Variants in ANKRD44 observed in about 807,000 individuals in gnomAD.
ANKRD44 encodes the protein ankyrin repeat domain 44.
ANKRD44 carries 35 observed loss-of-function variants against 116.0 expected under a neutral mutation model. The observed-to-expected ratio is 0.30, with a 90% CI of 0.23 to 0.40. The LOEUF (loss-of-function observed/expected upper bound fraction) is 0.40. ANKRD44 is among the 10% of genes least tolerant of loss of function. ANKRD44 has a pLI of 1.00. For synonymous variants in ANKRD44, 435 were observed against 461.8 expected (o/e 0.94, Z 0.74); for missense variants, 1,014 against 1,242.6 (o/e 0.82, Z 2.77).
Position 197,218,751 on chromosome 2 carries a change from C to CTTTTTT in ANKRD44, c.28-31651_28-31646dup, listed in dbSNP as rs138330364. Among the ~76,000 whole-genome samples, 66 of 52,342 alleles carry CTTTTTT rather than the reference C, an allele frequency of 1.3e-3. 7 individuals carry two copies. The highest frequency in any genetic ancestry group is 4.0e-3 in the African/African-American group (58 of 14,436). 34.3% of individuals were successfully genotyped at this position (52,342 alleles called of 152,430 possible). On this transcript the variant is annotated intron_variant, in intron 1 of 27. Transcript: ENST00000282272. Reference sequence around the variant, plus strand: ...TTCCTGGTATGGGAGGGTAAAGTCCCTTTTTTTTTTTTTTTTTTTTTTTTT... The same window carrying CTTTTTT: ...TTCCTGGTATGGGAGGGTAAAGTCCCTTTTTTTTTTTTTTTTTTTTTTTTTTTTTTT...
Position 197,269,635 on chromosome 2 carries a change from T to C in ANKRD44, c.27+40943A>G, listed in dbSNP as rs1574407343. 4.6e-5 allele frequency among the ~76,000 whole-genome samples: 7 copies of C among 152,040 alleles called. No homozygotes were observed. The South Asian group carries it at 1.5e-3, about 32-fold the overall frequency. On this transcript the variant is annotated intron_variant, in intron 1 of 27. Coordinates refer to ENST00000282272, the MANE Select transcript of ANKRD44 (RefSeq NM_001195144.2). ...AACTGCAGAGCTGAGGGGCTCTTGGTGGCATTTCTTTAAGCCATGCCACCC... is the reference window on the plus strand; with the variant it reads ...AACTGCAGAGCTGAGGGGCTCTTGGCGGCATTTCTTTAAGCCATGCCACCC...
chr2:197,099,535 GA>G (rs2078240709), intron 10 of ANKRD44: 2 of 1,132,910 alleles, frequency 1.8e-6, no homozygotes, highest in African/African-American at 3.2e-5. Context: ...GGGAAGGACA[GA>G]AGAATATTAG....
intron 1 of ANKRD44, among the ~76,000 whole-genome samples, chr2:197,293,154 C>A (rs1013449988): frequency 6.6e-6 from 1 of 151,784 alleles, no homozygotes; most frequent in Non-Finnish European, 1.5e-5. Flanking sequence ...GGTAAAGATC[C>A]CAAGAGGAGA....
chr2:197,303,511 T>C (rs944410685), intron 1 of ANKRD44, among the ~76,000 whole-genome samples: 2 of 152,248 alleles, frequency 1.3e-5, no homozygotes, highest in African/African-American at 4.8e-5. Context: ...GTTAGAATTG[T>C]AATTAATTTC....
chr2:197,232,157 C>G (rs879549679), intron 1 of ANKRD44, among the ~76,000 whole-genome samples: 34 of 152,282 alleles, frequency 2.2e-4, no homozygotes, highest in African/African-American at 7.9e-4. Context: ...ACCTAAGAGG[C>G]TGGTAATGAA....
At position 197,007,877 on chromosome 2, in the gene ANKRD44, A is replaced by G. The variant is rs2076227938; in HGVS notation, c.2059T>C (p.Ser687Pro). ...AVAYGHIDAV[S>P]LLLEKEANVD... is the part of the protein sequence containing the mutation. ...TTGGCTTCCTTTTCAAGTAACAATG[A>G]AACAGCGTCAATATGTCCATATGCT... Residue 687 changes from serine to proline, a missense_variant, in exon 20 of 28, where the codon TCA (serine) becomes CCA (proline). Coordinates refer to ENST00000282272, the MANE Select transcript of ANKRD44 (RefSeq NM_001195144.2). 1 of 1,614,092 alleles carries G rather than the reference A, an allele frequency of 6.2e-7. No individual in the cohort carries two copies. Among genetic ancestry groups the G allele is most frequent in the East Asian group, 2.2e-5 (1 of 44,872 alleles).
At chr2:197,008,023 C>A in intron 19 of ANKRD44, 100 bp from the exon 20 acceptor site, 1 of 774,016 alleles carries the variant, frequency 1.3e-6, no homozygotes, top group Non-Finnish European at 2.2e-6. Flanking sequence ...CTCTTCCCCT[C>A]TCCTTTTGAC....
chr2:197,036,653 C>T (rs2076813385), intron 16 of ANKRD44, among the ~76,000 whole-genome samples: 1 of 152,144 alleles, frequency 6.6e-6, no homozygotes, highest in Non-Finnish European at 1.5e-5. Flanking sequence ...ATTATCTCCA[C>T]CCTCCAGTGT....
At chr2:196,999,290 T>C (rs1186133160) in intron 23 of ANKRD44, among the ~76,000 whole-genome samples, 2 of 152,196 alleles carry the variant, frequency 1.3e-5, no homozygotes, top group African/African-American at 4.8e-5. Flanking sequence ...ATAATGAAAT[T>C]AGTGTCTTTA....
chr2:197,258,169 C>G (rs190072688), intron 1 of ANKRD44, among the ~76,000 whole-genome samples: 15 of 150,166 alleles, frequency 1.0e-4, no homozygotes, highest in Admixed American at 2.0e-4. Context: ...GTGGTGTGAT[C>G]TTGGCTTCCT....
chr2:197,039,862 A>G (rs549209082), intron 16 of ANKRD44, among the ~76,000 whole-genome samples: 1 of 152,262 alleles, frequency 6.6e-6, no homozygotes, highest in East Asian at 1.9e-4. Flanking sequence ...CCCTATTGTT[A>G]AGATAAATGA....
At chr2:197,227,309 C>T (rs552186567) in intron 1 of ANKRD44, among the ~76,000 whole-genome samples, 80 of 152,362 alleles carry the variant, frequency 5.3e-4, no homozygotes, top group Non-Finnish European at 9.8e-4. Flanking sequence ...TGGTCTGAAG[C>T]TTTGCTTTCA....
rs191039461 is a variant in ANKRD44, at chr2:197,175,131, G to A, written c.111+11892C>T. 4.2e-3 allele frequency among the ~76,000 whole-genome samples: 646 copies of A among 152,196 alleles called. 1 individual carries two copies. The highest frequency in any genetic ancestry group is 6.2e-3 in the Non-Finnish European group (419 of 68,000). On this transcript the variant is annotated intron_variant, in intron 2 of 27. Coordinates refer to ENST00000282272, the MANE Select transcript of ANKRD44 (RefSeq NM_001195144.2). ...ACTGTCTATTACTGAAAGATGAGGA[G>A]GCAGGATGTCAGACATCTCTGGATC...
At chr2:197,142,980 GAA>G (rs952283288) in intron 3 of ANKRD44, among the ~76,000 whole-genome samples, 1 of 109,810 alleles carries the variant, frequency 9.1e-6, no homozygotes, top group Non-Finnish European at 2.0e-5. Flanking sequence ...TCTTAAAAAA[GAA>G]AAAAAAAAAA....
intron 1 of ANKRD44, among the ~76,000 whole-genome samples, chr2:197,234,194 ATTT>A (rs11436827): frequency 4.2e-5 from 6 of 144,394 alleles, no homozygotes; most frequent in Non-Finnish European, 7.6e-5. Context: ...TAAGTCATAG[ATTT>A]TTTTTTTTTT....
chr2:197,106,006 C>T (rs2078417504), intron 9 of ANKRD44, among the ~76,000 whole-genome samples: 1 of 152,112 alleles, frequency 6.6e-6, no homozygotes. Flanking sequence ...TCCAGGTTTA[C>T]CAGTCTCAAA....
At chr2:197,144,505 T>C (rs1438887876) in intron 3 of ANKRD44, among the ~76,000 whole-genome samples, 1 of 152,236 alleles carries the variant, frequency 6.6e-6, no homozygotes, top group Non-Finnish European at 1.5e-5. Context: ...AAAAGTCAAG[T>C]GAATTCCAAG....
rs529408127 is a variant in ANKRD44 at position 197,231,602 on chromosome 2, A to T, written c.28-44496T>A. On this transcript the variant is annotated intron_variant, in intron 1 of 27. Coordinates refer to ENST00000282272, the MANE Select transcript of ANKRD44 (RefSeq NM_001195144.2). ...AAGGGACACTTAGCAATGTCTAAAG[A>T]TATCTTTGATTGTTAGCTTAAGGGA... Among the ~76,000 whole-genome samples, 7 of 151,732 alleles carry T rather than the reference A, an allele frequency of 4.6e-5. No individual in the cohort carries two copies. The South Asian group carries it at 1.2e-3, about 27-fold the overall frequency.
intron 16 of ANKRD44, among the ~76,000 whole-genome samples, chr2:197,067,543 G>A (rs2125080944): frequency 7.3e-6 from 1 of 137,158 alleles, no homozygotes; most frequent in African/African-American, 2.7e-5. Flanking sequence ...ATCAAAAAGT[G>A]GGCGAAGGAC....
Sources: allele counts gnomAD v4.1 joint callset (sites outside exome capture counted in the v4.1 genomes callset), GRCh38; gene constraint gnomAD v4.1.1; transcripts MANE v1.5; gene names NCBI Gene and HGNC (gene_info 2026-07-23, HGNC 2026-07-21).